The following STAP2 variants were observed in gnomAD, a reference collection of about 807,000 sequenced individuals.
STAP2 encodes the protein signal transducing adaptor family member 2, also known as signal-transducing adaptor protein 2.
In STAP2, 58 loss-of-function variants were observed where a neutral mutation model predicts 52.7. The observed-to-expected ratio is 1.10, with a 90% confidence interval of 0.89 to 1.37. The LOEUF is 1.37. Ranked by LOEUF, STAP2 falls within the 40% of genes most tolerant of loss-of-function variation. The probability of loss-of-function intolerance (pLI) is 0.00; values close to 1 mark genes in which losing one functional copy is unlikely to be tolerated. For synonymous variants in STAP2, 231 were observed against 210.5 expected (o/e 1.10, Z -0.84); for missense variants, 522 against 519.4 (o/e 1.00, Z -0.05).
At position 4,328,692 on chromosome 19, in the gene STAP2, C is replaced by T. The variant is rs1326461746; in HGVS notation, c.573G>A (p.Thr191=). ...GDGADGVSVT[T]RQMHNGTHVV... ...ATGCGCACCCGTTGTGCATCTGCCG[C>T]GTGGTGACCGACACGCCGTCGGCGC... is the stretch of plus-strand genomic sequence containing the variant. The change falls in exon 6 of 13, where the codon ACG becomes ACA. Residue 191 remains threonine (T), a synonymous_variant. Coordinates refer to ENST00000594605, the MANE Select transcript of STAP2 (RefSeq NM_001013841.2). 2.5e-6 allele frequency: 4 copies of T among 1,603,504 alleles called. No homozygotes were observed. Among genetic ancestry groups the T allele is most frequent in the Admixed American group, 1.7e-5 (1 of 59,142 alleles).
rs373184689 is a variant in STAP2, at chr19:4,327,002, C to G, written c.769G>C (p.Val257Leu). 1.3e-6 allele frequency: 2 copies of G among 1,561,230 alleles called. No homozygotes were observed. Among genetic ancestry groups the G allele is most frequent in the Non-Finnish European group, 8.7e-7 (1 of 1,151,696 alleles). ...TCGCCATTCTCCTTATCGGCTTCCA[C>G]GTAGCCTGGAACAGAGAGGGCGGCC... ...DEDYEKVLGY[V>L]EADKENGENV... is the part of the protein sequence containing the mutation. Residue 257 changes from valine to leucine, a missense_variant, in exon 9 of 13, where the codon GTG becomes CTG. Physicochemically the swap from Val to Leu is conservative, Grantham distance 32. Coordinates refer to ENST00000594605, the MANE Select transcript of STAP2 (RefSeq NM_001013841.2).
In STAP2 at chr19:4,333,716, C is replaced by G; in HGVS notation, c.275G>C (p.Arg92Pro). 1 of 1,612,590 alleles carries G rather than the reference C, an allele frequency of 6.2e-7. No homozygotes were observed. The highest frequency in any genetic ancestry group is 8.5e-7 in the Non-Finnish European group (1 of 1,179,914). ...TACCTTGAACTTGATCTCCTGATCC[C>G]GGAGAATCAGGCTGAAGTGGGTGCC... ...DPGTHFSLIL[R>P]DQEIKFKVET... Residue 92 changes from arginine (R) to proline (P), a missense_variant, in exon 3 of 13, where the codon CGG (arginine) becomes CCG (proline). Transcript: ENST00000594605.
chr19:4,331,575 A>T (rs1167252468), intron 4 of STAP2, among the ~76,000 whole-genome samples: 2 of 151,408 alleles, frequency 1.3e-5, no homozygotes, highest in Admixed American at 1.3e-4. Context: ...GGTTGCAGTG[A>T]GCTGAGAACG....
At chr19:4,324,611 C>T in intron 11 of STAP2, 82 bp from the exon 12 acceptor site, 1 of 1,438,348 alleles carries the variant, frequency 7.0e-7, no homozygotes, top group Non-Finnish European at 9.5e-7. Flanking sequence ...GTGGGTGGAT[C>T]ACTTGAGGTC....
chr19:4,327,175 T>C lies in STAP2; in HGVS notation c.712A>G (p.Lys238Glu). The C allele has an allele frequency of 6.2e-7, 1 of 1,614,142 alleles. No individual in the cohort carries two copies. Residue 238 changes from lysine to glutamate, a missense_variant, in exon 8 of 13, where the codon AAA (lysine) becomes GAA (glutamate). By Grantham distance (56) the Lys-to-Glu change is moderately conservative. Transcript: ENST00000594605. ...AACAGGAATGGCACCAGCGCCTTTTTGGTATGCGACACGAAATAGTTGACC... is the reference window on the plus strand; with the variant it reads ...AACAGGAATGGCACCAGCGCCTTTTCGGTATGCGACACGAAATAGTTGACC... ...AVVNYFVSHT[K>E]KALVPFLLDE...
At chr19:4,334,886 T>C (rs370108762) in intron 1 of STAP2, among the ~76,000 whole-genome samples, 646 of 9,864 alleles carry the variant, frequency 0.065, no homozygotes, top group Non-Finnish European at 0.073. Flanking sequence ...TCCATCCACC[T>C]ACTCATCCAT....
At chr19:4,324,276 C>G in intron 12 of STAP2, 79 bp from the exon 13 acceptor site, 1 of 1,462,474 alleles carries the variant, frequency 6.8e-7, no homozygotes, top group Non-Finnish European at 9.3e-7. Context: ...CCACCCAGGA[C>G]CAGCTACAGA....
At chr19:4,324,367 CAG>C (rs1250708831) in intron 12 of STAP2, 86 bp downstream of exon 12, 2 of 1,361,342 alleles carry the variant, frequency 1.5e-6, no homozygotes, top group Admixed American at 2.1e-5. Flanking sequence ...CCTTAAAAGA[CAG>C]GGCGCTTCGG....
chr19:4,332,062 C>T lies in STAP2; in HGVS notation c.314G>A (p.Cys105Tyr), dbSNP rs751636116. Reference sequence around the variant, plus strand: ...GATGAAGCCTTTCCACATTTCCCGACACTCCAAGGTCTCTACCTGGGGAAC... The same window carrying T: ...GATGAAGCCTTTCCACATTTCCCGATACTCCAAGGTCTCTACCTGGGGAAC... Reference protein sequence around the residue: ...EIKFKVETLECREMWKGFILT... With the variant: ...EIKFKVETLEYREMWKGFILT... The change falls in exon 4 of 13, where the codon TGT becomes TAT. Residue 105 changes from cysteine (C) to tyrosine (Y), a missense_variant. Physicochemically the swap from Cys to Tyr is radical, Grantham distance 194. Transcript: ENST00000594605. 1.2e-6 allele frequency: 2 copies of T among 1,613,256 alleles called. No individual in the cohort carries two copies. The highest frequency in any genetic ancestry group is 3.3e-5 in the Admixed American group (2 of 59,794).
chr19:4,326,511 C>T (rs1971794672), intron 9 of STAP2, among the ~76,000 whole-genome samples: 1 of 152,144 alleles, frequency 6.6e-6, no homozygotes, highest in Non-Finnish European at 1.5e-5. Context: ...TCTTTCCCAA[C>T]ACCCACCCGG....
intron 4 of STAP2, among the ~76,000 whole-genome samples, chr19:4,331,395 G>A (rs887264238): frequency 1.3e-5 from 2 of 151,690 alleles, no homozygotes; most frequent in Admixed American, 6.6e-5. Context: ...CACTTTGAGT[G>A]GCCAAGGCGG....
intron 11 of STAP2, chr19:4,324,743 A>G: frequency 3.8e-6 from 2 of 529,494 alleles, no homozygotes; most frequent in Non-Finnish European, 3.4e-6. Context: ...GAGGCAGGAG[A>G]ATCACTTGAA....
intron 11 of STAP2, 32 bp downstream of exon 11, chr19:4,325,184 A>AGGTG (rs1568384193): frequency 1.3e-6 from 2 of 1,528,828 alleles, no homozygotes; most frequent in Admixed American, 3.9e-5. Context: ...GCCTGCCATC[A>AGGTG]GGTGAGGGTG....
intron 1 of STAP2, chr19:4,338,408 G>C (rs553070114): frequency 1.7e-4 from 63 of 375,620 alleles, no homozygotes; most frequent in Non-Finnish European, 2.8e-4. Context: ...CAGACATCGG[G>C]AGAGACAGAC....
At chr19:4,330,528 C>T (rs1971872136) in intron 4 of STAP2, among the ~76,000 whole-genome samples, 1 of 149,174 alleles carries the variant, frequency 6.7e-6, no homozygotes, top group Non-Finnish European at 1.5e-5. Context: ...GTTCCCCGCT[C>T]CCCAACCCCA....
intron 12 of STAP2, 118 bp from the exon 13 acceptor site, chr19:4,324,315 G>T: frequency 7.7e-7 from 1 of 1,297,166 alleles, no homozygotes. Context: ...ACAGGACAGT[G>T]TGCTCGAAGG....
At chr19:4,333,578 GGGCCCACAGGGCCC>G in intron 3 of STAP2, 102 bp downstream of exon 3, 1 of 1,388,180 alleles carries the variant, frequency 7.2e-7, no homozygotes. Context: ...GTCTTACCCA[GGGCCCACAGGGCCC>G]TGTACTACCT....
At chr19:4,338,564 C>CCCA in intron 1 of STAP2, 88 bp downstream of exon 1, 1 of 857,372 alleles carries the variant, frequency 1.2e-6, no homozygotes, top group Non-Finnish European at 1.7e-6. Flanking sequence ...CCCGCCCCCC[C>CCCA]TTGGCGAGTG....
intron 6 of STAP2, 55 bp from the exon 7 acceptor site, chr19:4,327,440 CAG>C: frequency 2.5e-6 from 4 of 1,592,618 alleles, no homozygotes; most frequent in Non-Finnish European, 3.4e-6. Flanking sequence ...CACCGCCCCT[CAG>C]GGAAGGCCCC....
Sources: gnomAD v4.1 joint callset for allele counts (sites outside exome capture counted in the v4.1 genomes callset) on GRCh38, gnomAD v4.1.1 for gene constraint, MANE v1.5 for transcripts, NCBI Gene and HGNC (gene_info 2026-07-23, HGNC 2026-07-21) for gene names.